Variants in CBL observed in about 807,000 individuals in gnomAD.
CBL encodes the protein E3 ubiquitin-protein ligase CBL.
In CBL, 45 loss-of-function variants were observed where a neutral mutation model predicts 96.9. The observed-to-expected ratio is 0.46, with a 90% confidence interval of 0.37 to 0.60. The LOEUF is 0.60. Among genes scored for constraint, CBL ranks in the 20% least tolerant of loss-of-function variants. CBL has a pLI of 0.00. For synonymous variants in CBL, 420 were observed against 426.8 expected (o/e 0.98, Z 0.20); for missense variants, 1,024 against 1,143.5 (o/e 0.90, Z 1.51).
intron 12 of CBL, among the ~76,000 whole-genome samples, chr11:119,295,167 G>T (rs1040465941): frequency 1.1e-4 from 17 of 152,094 alleles, no homozygotes; most frequent in Non-Finnish European, 5.9e-5. Context: ...TATTTATTCA[G>T]TACATTATTA....
chr11:119,232,073 A>G (rs1419905590), intron 1 of CBL, among the ~76,000 whole-genome samples: 1 of 152,164 alleles, frequency 6.6e-6, no homozygotes, highest in African/African-American at 2.4e-5. Context: ...CTCCACTCCA[A>G]CCGTGAGACC....
intron 2 of CBL, among the ~76,000 whole-genome samples, chr11:119,236,218 T>G (rs1949544956): frequency 1.3e-5 from 2 of 152,140 alleles, no homozygotes; most frequent in Non-Finnish European, 2.9e-5. Flanking sequence ...CAGTCACTCT[T>G]TGTTCCTCTC....
chr11:119,293,586 T>TA (rs1950044303), intron 12 of CBL, among the ~76,000 whole-genome samples: 1 of 152,182 alleles, frequency 6.6e-6, no homozygotes, highest in African/African-American at 2.4e-5. Flanking sequence ...GTAATAGCTC[T>TA]AGGGAAAATT....
intron 2 of CBL, among the ~76,000 whole-genome samples, chr11:119,256,621 G>T (rs1376600133): frequency 1.3e-5 from 2 of 150,916 alleles, no homozygotes; most frequent in African/African-American, 4.9e-5. Flanking sequence ...GAATTATATA[G>T]TGAAGTCTGA....
rs998788533 is a variant in CBL, at chr11:119,231,049, A to G, written c.196-1399A>G. Among the ~76,000 whole-genome samples, 4 of 152,332 alleles carry G rather than the reference A, an allele frequency of 2.6e-5. No homozygotes were observed. In the East Asian group the frequency reaches 7.7e-4, roughly 29 times the overall value. The stretch of plus-strand genomic sequence containing the variant: ...CTGAGAGTCCAAATGTAGGACTCTC[A>G]GCTCTATGCTTTACTGGGTCCAAGG... On this transcript the variant is annotated intron_variant, in intron 1 of 15. Coordinates refer to ENST00000264033, the MANE Select transcript of CBL (RefSeq NM_005188.4).
At chr11:119,238,900 G>A (rs973367829) in intron 2 of CBL, among the ~76,000 whole-genome samples, 5 of 152,110 alleles carry the variant, frequency 3.3e-5, no homozygotes, top group Admixed American at 2.6e-4. Context: ...GGGGATTACT[G>A]CCATCTTAAC....
At chr11:119,298,175 G>A (rs918671153) in intron 14 of CBL, among the ~76,000 whole-genome samples, 183 bp from the exon 15 acceptor site, 4 of 152,156 alleles carry the variant, frequency 2.6e-5, no homozygotes, top group African/African-American at 7.2e-5. Context: ...TGCAGTGTTG[G>A]TGCAGATTTT....
intron 12 of CBL, among the ~76,000 whole-genome samples, chr11:119,293,075 T>C (rs1240677315): frequency 6.6e-6 from 1 of 151,830 alleles, no homozygotes; most frequent in Non-Finnish European, 1.5e-5. Flanking sequence ...AGTATTTCCA[T>C]GTGATTTTTA....
chr11:119,274,681 T>G, intron 4 of CBL, 151 bp from the exon 5 acceptor site: 1 of 732,910 alleles, frequency 1.4e-6, no homozygotes, highest in South Asian at 1.6e-5. Context: ...TTTAATCTCC[T>G]GAACACATGT....
In CBL at chr11:119,287,857, G is replaced by A. The variant is rs762513702; in HGVS notation, c.1947G>A (p.Met649Ile). 1.2e-6 allele frequency: 2 copies of A among 1,607,030 alleles called. No homozygotes were observed. The highest frequency in any genetic ancestry group is 2.2e-5 in the East Asian group (1 of 44,850). ...CACTTTTCTTTACTTTCCAGAGTAT[G>A]AATAGCAGCCCATTAGTAGGTCCAG... ...STFSLDTSMS[M>I]NSSPLVGPEC... The change falls in exon 12 of 16, where the codon ATG becomes ATA. Residue 649 changes from methionine to isoleucine, a missense_variant. This residue lies in a region of CBL where 695 missense variants were observed against 661.6 expected (regional missense o/e 1.05). Coordinates refer to ENST00000264033, the MANE Select transcript of CBL (RefSeq NM_005188.4).
At position 119,299,591 on chromosome 11, in the gene CBL, G is replaced by A; in HGVS notation, c.2531G>A (p.Ser844Asn). 1 of 1,614,186 alleles carries A rather than the reference G, an allele frequency of 6.2e-7. No individual in the cohort carries two copies. Among genetic ancestry groups the A allele is most frequent in the Non-Finnish European group, 8.5e-7 (1 of 1,180,024 alleles). ...AAAGCTGGCAGCTGTCAGCAAGGTA[G>A]TGGTCCTGCCGCCTCTGCTGCCACC... ...ERKAGSCQQG[S>N]GPAASAATAS... Residue 844 changes from serine (S) to asparagine (N), a missense_variant, in exon 16 of 16, where the codon AGT (serine) becomes AAT (asparagine). Around this residue, in one of 4 missense-constraint regions of CBL, gnomAD observed 695 missense variants for 661.6 expected, o/e 1.05. Coordinates refer to ENST00000264033, the MANE Select transcript of CBL (RefSeq NM_005188.4).
At position 119,215,018 on chromosome 11, in the gene CBL, A is replaced by G. The variant is rs149076874; in HGVS notation, c.195+8406A>G. ...CATGATTTGTGTTTTATGCCTATGA[A>G]AAGCTCACCCAAAGGATGTAAGATT... On this transcript the variant is annotated intron_variant, in intron 1 of 15. Coordinates refer to ENST00000264033, the MANE Select transcript of CBL (RefSeq NM_005188.4). Among the ~76,000 whole-genome samples, 868 of 152,112 alleles carry G rather than the reference A, an allele frequency of 5.7e-3. 9 individuals carry two copies. Among genetic ancestry groups the G allele is most frequent in the African/African-American group, 0.016 (665 of 41,488 alleles).
chr11:119,221,141 G>C (rs562426259), intron 1 of CBL, among the ~76,000 whole-genome samples: 16 of 152,010 alleles, frequency 1.1e-4, no homozygotes, highest in Admixed American at 2.0e-4. Flanking sequence ...CTACTTGGGA[G>C]ACTGAGGCAG....
chr11:119,296,144 C>G (rs888202098), intron 12 of CBL, among the ~76,000 whole-genome samples: 2 of 152,098 alleles, frequency 1.3e-5, no homozygotes, highest in African/African-American at 4.8e-5. Context: ...AACTAAGCAT[C>G]AAGCAGACAA....
chr11:119,243,241 G>A (rs1006862644), intron 2 of CBL, among the ~76,000 whole-genome samples: 1 of 152,154 alleles, frequency 6.6e-6, no homozygotes, highest in African/African-American at 2.4e-5. Flanking sequence ...TCATGCCAGT[G>A]CACTCCAGCC....
chr11:119,225,636 C>A (rs1044228639), intron 1 of CBL, among the ~76,000 whole-genome samples: 1 of 151,698 alleles, frequency 6.6e-6, no homozygotes, highest in Non-Finnish European at 1.5e-5. Flanking sequence ...TAGGCTCAAG[C>A]GATCTGCCCA....
chr11:119,220,177 A>G (rs987482980), intron 1 of CBL, among the ~76,000 whole-genome samples: 1 of 149,706 alleles, frequency 6.7e-6, no homozygotes, highest in Admixed American at 6.7e-5. Flanking sequence ...ATTTTTGTAT[A>G]TTTAGTAGAG....
intron 2 of CBL, among the ~76,000 whole-genome samples, chr11:119,247,975 AAAG>A (rs1392158043): frequency 2.6e-5 from 4 of 152,210 alleles, no homozygotes; most frequent in African/African-American, 7.2e-5. Context: ...GAAAGAAACT[AAAG>A]AAGACCTAAA....
At chr11:119,222,100 A>G (rs1358454480) in intron 1 of CBL, among the ~76,000 whole-genome samples, 2 of 152,214 alleles carry the variant, frequency 1.3e-5, no homozygotes, top group African/African-American at 2.4e-5. Context: ...GCATAAAACT[A>G]TTCATTTTTA....
Sources: allele counts gnomAD v4.1 joint callset (sites outside exome capture counted in the v4.1 genomes callset), GRCh38; gene constraint gnomAD v4.1.1; regional missense constraint gnomAD v4.1.1; transcripts MANE v1.5; gene names NCBI Gene and HGNC (gene_info 2026-07-23, HGNC 2026-07-21).